MAX: variants seen among roughly 807,000 people sequenced by gnomAD.
MAX encodes protein max.
In MAX, 3 loss-of-function variants were observed where a neutral mutation model predicts 22.3. The ratio of observed to expected loss-of-function variants is 0.13; its 90% confidence interval spans 0.06 to 0.35. MAX has a LOEUF of 0.35. Ranked by LOEUF, MAX falls within the 10% of genes least tolerant of loss-of-function variation. MAX has a pLI of 1.00. For missense variants in MAX, 119 were observed against 209.4 expected, an observed-to-expected ratio of 0.57 and a Z score of 2.66; for synonymous variants, 72 against 77.7, an observed-to-expected ratio of 0.93 and a Z score of 0.39.
At position 65,007,534 on chromosome 14, in the gene MAX, T is replaced by G. The variant is rs917316351; in HGVS notation, c.172-1250A>C. On this transcript the variant is annotated intron_variant, in intron 3 of 3. Coordinates refer to the MAX transcript ENST00000341653. The surrounding 1 kb of genome is among the most constrained non-coding windows in gnomAD (Gnocchi z 4.9). ...AGCAGACTGGGCTGAAAGTCAAGCC[T>G]GGAGCTGAATGTCAGTACATTCTAT... Among the ~76,000 whole-genome samples the G allele has an allele frequency of 6.6e-6, 1 of 152,234 alleles. No homozygotes were observed. The highest frequency in any genetic ancestry group is 2.4e-5 in the African/African-American group (1 of 41,470).
In MAX at chr14:65,054,635, C is replaced by G. The variant is rs201282021; in HGVS notation, c.171+39073G>C. The G allele has an allele frequency of 1.1e-5, 18 of 1,613,682 alleles. No homozygotes were observed. ...GCGGCCTGTCCATAGCCCAGCACTT[C>G]GGCAGCGGAGCCATGTTGCATGATG... On this transcript the variant is annotated intron_variant, in intron 3 of 3. Coordinates refer to the MAX transcript ENST00000341653. This position sits in a 1 kb window ranked among gnomAD's most constrained non-coding sequence, Gnocchi z 4.4.
At chr14:65,039,732 G>A (rs1392423473) in intron 3 of MAX, among the ~76,000 whole-genome samples, 1 of 152,158 alleles carries the variant, frequency 6.6e-6, no homozygotes, top group African/African-American at 2.4e-5. Context: ...AGGTTTATTT[G>A]GCTCATGGTT....
intron 3 of MAX, among the ~76,000 whole-genome samples, chr14:65,060,841 C>A (rs2062847533): frequency 7.0e-6 from 1 of 143,610 alleles, no homozygotes; most frequent in Admixed American, 7.0e-5. Context: ...TCAATGCACT[C>A]CAGCCTGGGC....
Position 65,027,441 on chromosome 14 carries a change from C to T in MAX, c.172-21157G>A. The T allele has an allele frequency of 6.2e-7, 1 of 1,613,628 alleles. No homozygotes were observed. The highest frequency in any genetic ancestry group is 8.5e-7 in the Non-Finnish European group (1 of 1,179,816). On this transcript the variant is annotated intron_variant, in intron 3 of 3. Transcript: ENST00000341653. The surrounding 1 kb of genome is among the most constrained non-coding windows in gnomAD (Gnocchi z 5.7). ...CTCTGACTTTGTTTTTGCCCTTTGG[C>T]TGTGTACCTAGTGTGTGTCAGTTCC...
rs2063231582 is a variant in MAX, at chr14:65,082,776, A to G, written c.172-4740T>C. Among the ~76,000 whole-genome samples the G allele has an allele frequency of 6.6e-6, 1 of 152,228 alleles. No homozygotes were observed. The highest frequency in any genetic ancestry group is 2.4e-5 in the African/African-American group (1 of 41,470). On this transcript the variant is annotated intron_variant, in intron 3 of 4. Coordinates refer to ENST00000358664, the MANE Select transcript of MAX (RefSeq NM_002382.5). This position sits in a 1 kb window ranked among gnomAD's most constrained non-coding sequence, Gnocchi z 4.8. ...GAGTGAGACCCTGTATAAAAAAAAA[A>G]AAGTGAAAAATGGTAGTTTGTAATA...
rs906347426 is a variant in MAX, at chr14:65,062,640, A to ATAAC, written c.171+31064_171+31067dup. ...ATTACCTCCTTGAAATAATAAAAGA[A>ATAAC]TAACATTTTCTATGATGTCTCTTAT... On this transcript the variant is annotated intron_variant, in intron 3 of 3. Transcript: ENST00000341653. This position sits in a 1 kb window ranked among gnomAD's most constrained non-coding sequence, Gnocchi z 4.3. 6.6e-5 allele frequency: 10 copies of ATAAC among 152,626 alleles called. No homozygotes were observed. Among genetic ancestry groups the ATAAC allele is most frequent in the Non-Finnish European group, 1.3e-4 (9 of 68,040 alleles). The allele number at this position is 152,626 out of a possible 1,614,324, so 9.5% of individuals were successfully genotyped here. A position where few individuals can be genotyped will look rare whatever the true frequency, so the allele number is the denominator to read the frequency against.
In MAX at chr14:65,076,462, C is replaced by T; in HGVS notation, c.*14G>A. The stretch of plus-strand genomic sequence containing the variant: ...GAGACAGACAGTTTTTATTGCTGGC[C>T]TGCCCCGAGTGGCTTAGCTGGCCTC... On this transcript the variant is annotated 3_prime_UTR_variant, in exon 5 of 5. Coordinates refer to ENST00000358664, the MANE Select transcript of MAX (RefSeq NM_002382.5). This position sits in a 1 kb window ranked among gnomAD's most constrained non-coding sequence, Gnocchi z 6.6. 1.9e-6 allele frequency: 3 copies of T among 1,612,838 alleles called. No individual in the cohort carries two copies. Among genetic ancestry groups the T allele is most frequent in the Non-Finnish European group, 2.5e-6 (3 of 1,180,024 alleles).
chr14:65,070,861 G>A (rs555828919), downstream of MAX, among the ~76,000 whole-genome samples: 25 of 152,184 alleles, frequency 1.6e-4, no homozygotes, highest in African/African-American at 3.9e-4. The surrounding 1 kb of genome is among the most constrained non-coding windows in gnomAD (Gnocchi z 4.4). Flanking sequence ...CCTGCCACCC[G>A]GCACTGCAGA....
chr14:65,042,779 C>T (rs577821426), intron 3 of MAX, among the ~76,000 whole-genome samples: 3 of 152,296 alleles, frequency 2.0e-5, no homozygotes, highest in South Asian at 2.1e-4. Context: ...TTAAGCCCTG[C>T]GGTAAGTAGA....
chr14:65,068,177 G>C (rs1230875020), intron 3 of MAX, among the ~76,000 whole-genome samples: 3 of 152,170 alleles, frequency 2.0e-5, no homozygotes, highest in Non-Finnish European at 1.5e-5. Flanking sequence ...GCTCACGCCT[G>C]TAATCCCAGC....
chr14:65,014,045 G>A lies in MAX; in HGVS notation c.172-7761C>T, dbSNP rs1460824907. 6.6e-6 allele frequency among the ~76,000 whole-genome samples: 1 copy of A among 152,170 alleles called. No individual in the cohort carries two copies. The highest frequency in any genetic ancestry group is 1.5e-5 in the Non-Finnish European group (1 of 68,028). ...TCACCAGCCTACCTTCCAGGTGGTG[G>A]GTTAGCCACAGCTTGGGATATCAGC... On this transcript the variant is annotated intron_variant, in intron 3 of 3. Coordinates refer to the MAX transcript ENST00000341653. This position sits in a 1 kb window ranked among gnomAD's most constrained non-coding sequence, Gnocchi z 5.1.
chr14:65,075,855 C>T lies in MAX; in HGVS notation c.*621G>A. The T allele has an allele frequency of 9.4e-7, 1 of 1,067,046 alleles. No individual in the cohort carries two copies. 66.1% of individuals were successfully genotyped at this position (1,067,046 alleles called of 1,614,324 possible). A position where few individuals can be genotyped will look rare whatever the true frequency, so the allele number is the denominator to read the frequency against. ...CTGAGAGAAGCAGGAGTGAAACATG[C>T]CAGCGACTCTGTGCTGCGAATCTGT... On this transcript the variant is annotated 3_prime_UTR_variant, in exon 5 of 5. Transcript: ENST00000358664. The surrounding 1 kb of genome is among the most constrained non-coding windows in gnomAD (Gnocchi z 4.1).
chr14:65,051,014 A>G (rs1021973981), intron 3 of MAX, among the ~76,000 whole-genome samples: 2 of 152,254 alleles, frequency 1.3e-5, no homozygotes, highest in Admixed American at 6.5e-5. Flanking sequence ...CACTGTGCTT[A>G]CAGGTGAGGA....
Position 65,041,530 on chromosome 14 carries a change from G to A in MAX, c.172-35246C>T, listed in dbSNP as rs532526730. 1.7e-3 allele frequency among the ~76,000 whole-genome samples: 256 copies of A among 152,278 alleles called. 2 individuals carry two copies. The highest frequency in any genetic ancestry group is 5.5e-3 in the African/African-American group (228 of 41,552). ...GGCCACCAGGGAGAAGGCATTCCCC[G>A]TCATGTCATTTGGGGAGCATGTACC... On this transcript the variant is annotated intron_variant, in intron 3 of 3. Transcript: ENST00000341653.
chr14:65,075,154 T>C lies in MAX; in HGVS notation c.*1322A>G, dbSNP rs946883932. The C allele has an allele frequency of 6.8e-6, 7 of 1,026,220 alleles. No homozygotes were observed. Among genetic ancestry groups the C allele is most frequent in the Non-Finnish European group, 8.2e-6 (7 of 854,628 alleles). The allele number at this position is 1,026,220 out of a possible 1,614,324, so 63.6% of individuals were successfully genotyped here. On this transcript the variant is annotated 3_prime_UTR_variant, in exon 5 of 5. Coordinates refer to ENST00000358664, the MANE Select transcript of MAX (RefSeq NM_002382.5). The surrounding 1 kb of genome is among the most constrained non-coding windows in gnomAD (Gnocchi z 4.1). Reference sequence around the variant, plus strand: ...GGATAAAATAAGTTTTTATTTATAGTCTTATAGTAAAGGGGGAAGCCTTAA... The same window carrying C: ...GGATAAAATAAGTTTTTATTTATAGCCTTATAGTAAAGGGGGAAGCCTTAA...
rs34879850 is a variant in MAX, at chr14:65,047,978, A to ATTTT, written c.172-41698_172-41695dup. ...AGACAGAAGGAGGGAGACTTTTTAG[A>ATTTT]TTTTTTTTTTTTTTTTTTTTTTTTT... On this transcript the variant is annotated intron_variant, in intron 3 of 3. Coordinates refer to the MAX transcript ENST00000341653. The surrounding 1 kb of genome is among the most constrained non-coding windows in gnomAD (Gnocchi z 5.2). Among the ~76,000 whole-genome samples, 12 of 64,128 alleles carry ATTTT rather than the reference A, an allele frequency of 1.9e-4. No individual in the cohort carries two copies. The highest frequency in any genetic ancestry group is 2.1e-4 in the Admixed American group (1 of 4,698). 42.1% of individuals were successfully genotyped at this position (64,128 alleles called of 152,430 possible).
At chr14:65,064,731 A>G (rs1459432932) in intron 3 of MAX, among the ~76,000 whole-genome samples, 1 of 152,396 alleles carries the variant, frequency 6.6e-6, no homozygotes, top group East Asian at 1.9e-4. Flanking sequence ...CATTAGAAGC[A>G]CGTAGTTTTT....
intron 2 of MAX, among the ~76,000 whole-genome samples, chr14:65,099,297 G>A (rs1328187694): frequency 6.6e-6 from 1 of 151,968 alleles, no homozygotes; most frequent in Admixed American, 6.6e-5. Context: ...AAATAGATGT[G>A]TTAAATTAAA....
At chr14:65,057,114 C>A (rs2062753307) in intron 3 of MAX, among the ~76,000 whole-genome samples, 1 of 152,186 alleles carries the variant, frequency 6.6e-6, no homozygotes, top group Non-Finnish European at 1.5e-5. Context: ...CACCAAGGCA[C>A]TCCTGAGGGA....
Sources: gnomAD v4.1 joint callset for allele counts (sites outside exome capture counted in the v4.1 genomes callset) on GRCh38, gnomAD v4.1.1 for gene constraint, Gnocchi (gnomAD v3.1) non-coding constraint, MANE v1.5 for transcripts, NCBI Gene and HGNC (gene_info 2026-07-23, HGNC 2026-07-21) for gene names.